Variants in IPCEF1 observed in about 807,000 individuals in gnomAD.
IPCEF1 encodes the protein interactor protein for cytohesin exchange factors 1.
Under a neutral mutation model 50.9 loss-of-function variants are expected in IPCEF1, and 31 were observed. The ratio of observed to expected loss-of-function variants is 0.61; its 90% CI spans 0.46 to 0.82. The LOEUF is 0.82. IPCEF1 is among the 40% of genes least tolerant of loss of function. IPCEF1 has a pLI of 0.00. For missense variants in IPCEF1, 458 were observed against 514.0 expected, an observed-to-expected ratio of 0.89 and a Z score of 1.05; for synonymous variants, 181 against 192.0, an observed-to-expected ratio of 0.94 and a Z score of 0.47.
At chr6:154,199,405 AG>A (rs1776896398) in intron 10 of IPCEF1, among the ~76,000 whole-genome samples, 1 of 152,178 alleles carries the variant, frequency 6.6e-6, no homozygotes, top group Non-Finnish European at 1.5e-5. Flanking sequence ...TTGGTGGAAA[AG>A]TATCATTATT....
intron 1 of IPCEF1, among the ~76,000 whole-genome samples, chr6:154,350,710 C>T (rs748484437): frequency 4.9e-4 from 75 of 152,130 alleles, no homozygotes; most frequent in African/African-American, 1.2e-3. Context: ...CATACATCAA[C>T]GCAATTGGTT....
intron 10 of IPCEF1, among the ~76,000 whole-genome samples, chr6:154,179,120 A>G (rs1489894624): frequency 1.3e-5 from 2 of 152,172 alleles, no homozygotes; most frequent in Non-Finnish European, 2.9e-5. Context: ...CCATAAAATG[A>G]ACATCCAGTG....
At chr6:154,208,612 A>G (rs1054833040) in intron 9 of IPCEF1, among the ~76,000 whole-genome samples, 1 of 152,234 alleles carries the variant, frequency 6.6e-6, no homozygotes, top group African/African-American at 2.4e-5. Flanking sequence ...CTGGCTCTCA[A>G]TAAATACTTC....
intron 1 of IPCEF1, among the ~76,000 whole-genome samples, chr6:154,342,453 T>C (rs1562296437): frequency 2.0e-5 from 3 of 152,332 alleles, no homozygotes; most frequent in Admixed American, 6.5e-5. Context: ...CCTACATGCC[T>C]TCCCCCTTTT....
chr6:154,326,221 C>CA (rs75214985), intron 1 of IPCEF1, among the ~76,000 whole-genome samples: 9,773 of 98,966 alleles, frequency 0.099, 393 homozygotes, highest in Middle Eastern at 0.16. Context: ...GACCTTGTCT[C>CA]AAAAAAAAAA....
At chr6:154,308,931 T>A (rs58960459) in intron 1 of IPCEF1, among the ~76,000 whole-genome samples, 10,728 of 152,276 alleles carry the variant, frequency 0.07, 546 homozygotes, top group African/African-American at 0.14. Flanking sequence ...ACAAGGACCG[T>A]CTGCTAAAAA....
At chr6:154,233,837 A>G (rs753297155) in intron 5 of IPCEF1, among the ~76,000 whole-genome samples, 46 of 151,908 alleles carry the variant, frequency 3.0e-4, no homozygotes, top group Non-Finnish European at 5.4e-4. Context: ...CCACTCTTTC[A>G]CCTGTGCAGA....
chr6:154,204,388 C>T (rs1348856514), intron 9 of IPCEF1, among the ~76,000 whole-genome samples: 1 of 152,132 alleles, frequency 6.6e-6, no homozygotes, highest in African/African-American at 2.4e-5. Context: ...CAAAACAAAA[C>T]CAAAATGACA....
At chr6:154,327,419 A>G (rs1232179332) in intron 1 of IPCEF1, among the ~76,000 whole-genome samples, 7 of 152,208 alleles carry the variant, frequency 4.6e-5, no homozygotes, top group African/African-American at 1.7e-4. Context: ...ATGAATAAAC[A>G]CTTCTCAAAA....
Position 154,331,149 on chromosome 6 carries a change from C to T in IPCEF1, c.-62+25523G>A, listed in dbSNP as rs573351356. 4.2e-4 allele frequency among the ~76,000 whole-genome samples: 64 copies of T among 152,134 alleles called. 1 individual carries two copies. Among genetic ancestry groups the T allele is most frequent in the South Asian group, 2.1e-3 (10 of 4,814 alleles). On this transcript the variant is annotated intron_variant, in intron 1 of 11. Coordinates refer to ENST00000367220, the MANE Select transcript of IPCEF1 (RefSeq NM_001130700.2). ...AGGTATGGTGGCATGTGCCTGAAGT[C>T]CCAGCTACTCAGGAGACTGAAGCAG...
chr6:154,166,600 A>T (rs1211207783), intron 11 of IPCEF1, among the ~76,000 whole-genome samples: 1 of 152,164 alleles, frequency 6.6e-6, no homozygotes, highest in Non-Finnish European at 1.5e-5. Flanking sequence ...AGCACATCTC[A>T]ACCAGAGTAT....
chr6:154,186,301 T>C (rs1199832350), intron 10 of IPCEF1, among the ~76,000 whole-genome samples: 1 of 152,236 alleles, frequency 6.6e-6, no homozygotes, highest in African/African-American at 2.4e-5. Context: ...ATTATTTTAG[T>C]CATTCAGGCT....
At chr6:154,240,020 A>C (rs916574406) in intron 5 of IPCEF1, among the ~76,000 whole-genome samples, 3 of 152,212 alleles carry the variant, frequency 2.0e-5, no homozygotes, top group Non-Finnish European at 2.9e-5. Context: ...ACATTTCAAA[A>C]CATTGGAATT....
chr6:154,216,039 T>C (rs1362599411), intron 7 of IPCEF1, among the ~76,000 whole-genome samples: 3 of 152,158 alleles, frequency 2.0e-5, no homozygotes, highest in Non-Finnish European at 4.4e-5. Flanking sequence ...TGAAAACTGA[T>C]ACAGCCAATT....
intron 10 of IPCEF1, among the ~76,000 whole-genome samples, chr6:154,181,725 G>A (rs1800892399): frequency 6.6e-6 from 1 of 152,146 alleles, no homozygotes; most frequent in Non-Finnish European, 1.5e-5. Context: ...TCTCCACAGG[G>A]CCGCAGGGCA....
chr6:154,305,232 C>CA (rs1415223282), intron 1 of IPCEF1, among the ~76,000 whole-genome samples: 2 of 152,256 alleles, frequency 1.3e-5, no homozygotes, highest in African/African-American at 4.8e-5. Context: ...TGTCTTGGGA[C>CA]AAAAAACCAG....
intron 10 of IPCEF1, among the ~76,000 whole-genome samples, chr6:154,178,658 C>A (rs973504390): frequency 2.0e-5 from 3 of 151,994 alleles, no homozygotes; most frequent in African/African-American, 7.3e-5. Flanking sequence ...ACAGAATTCA[C>A]CTAAAATTTC....
intron 3 of IPCEF1, among the ~76,000 whole-genome samples, chr6:154,262,977 T>C (rs1781641816): frequency 6.6e-6 from 1 of 151,880 alleles, no homozygotes; most frequent in South Asian, 2.1e-4. Flanking sequence ...TGTTTCACCA[T>C]GTTGGCCAAG....
intron 5 of IPCEF1, among the ~76,000 whole-genome samples, chr6:154,243,657 C>G (rs1361396988): frequency 6.6e-6 from 1 of 152,152 alleles, no homozygotes; most frequent in Non-Finnish European, 1.5e-5. Context: ...TCTCAGAACC[C>G]GTTGAAGGCA....
Sources: gnomAD v4.1 joint callset for allele counts (sites outside exome capture counted in the v4.1 genomes callset) on GRCh38, gnomAD v4.1.1 for gene constraint, MANE v1.5 for transcripts, NCBI Gene and HGNC (gene_info 2026-07-23, HGNC 2026-07-21) for gene names.